ATE1: variants seen among roughly 807,000 people sequenced by gnomAD.
The protein encoded by ATE1 is arginyltransferase 1.
ATE1 carries 36 observed loss-of-function variants against 70.5 expected under a neutral mutation model. The observed-to-expected ratio is 0.51, with a 90% confidence interval of 0.39 to 0.67. ATE1 has a LOEUF of 0.67. ATE1 is among the 30% of genes least tolerant of loss of function. The probability of loss-of-function intolerance (pLI) is 0.00; values close to 1 mark genes in which losing one functional copy is unlikely to be tolerated. For missense variants in ATE1, 593 were observed against 629.5 expected, an observed-to-expected ratio of 0.94 and a Z score of 0.62; for synonymous variants, 232 against 219.3, an observed-to-expected ratio of 1.06 and a Z score of -0.51.
chr10:121,786,285 A>G (rs1946208690), intron 11 of ATE1, among the ~76,000 whole-genome samples: 1 of 139,390 alleles, frequency 7.2e-6, no homozygotes, highest in Non-Finnish European at 1.5e-5. Context: ...TGTTTGCCCA[A>G]CATTAAGAGT....
intron 3 of ATE1, among the ~76,000 whole-genome samples, chr10:121,920,708 C>T (rs1324978092): frequency 6.6e-6 from 1 of 151,944 alleles, no homozygotes; most frequent in African/African-American, 2.4e-5. Context: ...GAAAACTGGA[C>T]TCTGGGCCAG....
At chr10:121,818,256 C>CAAAA (rs66792557) in intron 10 of ATE1, among the ~76,000 whole-genome samples, 1,662 of 62,872 alleles carry the variant, frequency 0.026, 230 homozygotes, top group African/African-American at 0.03. Context: ...GACTCCATCT[C>CAAAA]AAAAAAAAAA....
At chr10:121,834,319 C>G (rs1590428694) in intron 10 of ATE1, among the ~76,000 whole-genome samples, 2 of 152,092 alleles carry the variant, frequency 1.3e-5, no homozygotes, top group East Asian at 3.9e-4. Context: ...AGGGATCTTG[C>G]CTGTATTGTT....
intron 6 of ATE1, 52 bp downstream of exon 6, chr10:121,902,339 C>A: frequency 6.7e-7 from 1 of 1,500,350 alleles, no homozygotes. Flanking sequence ...AACGATATGC[C>A]CAAACAAAAA....
intron 8 of ATE1, 84 bp from the exon 9 acceptor site, chr10:121,841,347 G>C: frequency 1.0e-6 from 1 of 988,118 alleles, no homozygotes; most frequent in East Asian, 3.2e-5. Context: ...TTTTCCTCAG[G>C]TTAATAAGTC....
chr10:121,759,972 T>C (rs1399433921), intron 11 of ATE1, among the ~76,000 whole-genome samples: 1 of 151,706 alleles, frequency 6.6e-6, no homozygotes, highest in Non-Finnish European at 1.5e-5. Flanking sequence ...AGAATTATGG[T>C]AAATTTTGTG....
intron 7 of ATE1, among the ~76,000 whole-genome samples, chr10:121,885,334 C>A (rs1164278640): frequency 1.3e-5 from 2 of 148,202 alleles, no homozygotes. Flanking sequence ...CTTTGGGAGG[C>A]CGAGGCAGAC....
chr10:121,842,479 A>G (rs1948665798), intron 8 of ATE1, among the ~76,000 whole-genome samples: 1 of 152,152 alleles, frequency 6.6e-6, no homozygotes, highest in Non-Finnish European at 1.5e-5. Context: ...AATAAAAAAA[A>G]ATGAGAACAG....
intron 8 of ATE1, among the ~76,000 whole-genome samples, chr10:121,859,557 T>C (rs928999986): frequency 6.6e-6 from 1 of 152,192 alleles, no homozygotes; most frequent in Non-Finnish European, 1.5e-5. Flanking sequence ...GTTATTATTT[T>C]ATTAAGAGAT....
intron 6 of ATE1, among the ~76,000 whole-genome samples, chr10:121,901,127 C>T (rs369762327): frequency 2.0e-5 from 3 of 152,034 alleles, no homozygotes; most frequent in East Asian, 1.9e-4. Flanking sequence ...ATTAGCCGGG[C>T]GTAGTGGTGG....
chr10:121,868,602 T>G (rs1323130785), intron 8 of ATE1, among the ~76,000 whole-genome samples: 1 of 152,200 alleles, frequency 6.6e-6, no homozygotes, highest in Non-Finnish European at 1.5e-5. Context: ...ACAGATCATC[T>G]CATTTAATTT....
chr10:121,906,746 G>A (rs1047098995), intron 5 of ATE1, among the ~76,000 whole-genome samples: 2 of 151,832 alleles, frequency 1.3e-5, no homozygotes, highest in Admixed American at 6.6e-5. Flanking sequence ...TTTCCGACAC[G>A]CACCTCTACC....
At chr10:121,759,015 C>T (rs915554631) in intron 11 of ATE1, among the ~76,000 whole-genome samples, 4 of 152,088 alleles carry the variant, frequency 2.6e-5, no homozygotes, top group Non-Finnish European at 5.9e-5. Flanking sequence ...ATTAAAAACC[C>T]TAAAAGGCCT....
At chr10:121,840,313 G>C (rs1004479304) in intron 9 of ATE1, among the ~76,000 whole-genome samples, 1 of 152,006 alleles carries the variant, frequency 6.6e-6, no homozygotes, top group African/African-American at 2.4e-5. Flanking sequence ...CATTTACACC[G>C]CATTAACTTA....
At chr10:121,844,755 T>G (rs933840978) in intron 8 of ATE1, among the ~76,000 whole-genome samples, 5 of 152,100 alleles carry the variant, frequency 3.3e-5, no homozygotes, top group African/African-American at 9.7e-5. Flanking sequence ...CAGCAATAAA[T>G]AGAATAACTA....
chr10:121,743,236 T>C lies in ATE1; in HGVS notation c.*444A>G, dbSNP rs1407442059. ...TTGAGAAGACATATTTTCTAAGTGATGAAATGAACTTTCTACCTTCCCCAT... is the reference window on the plus strand; with the variant it reads ...TTGAGAAGACATATTTTCTAAGTGACGAAATGAACTTTCTACCTTCCCCAT... On this transcript the variant is annotated 3_prime_UTR_variant, in exon 12 of 12. Coordinates refer to ENST00000224652, the MANE Select transcript of ATE1 (RefSeq NM_001001976.3). 6.5e-6 allele frequency: 1 copy of C among 153,144 alleles called. No individual in the cohort carries two copies. The allele number at this position is 153,144 out of a possible 1,614,324, so 9.5% of individuals were successfully genotyped here.
intron 10 of ATE1, among the ~76,000 whole-genome samples, chr10:121,790,835 A>G (rs926039583): frequency 1.3e-5 from 2 of 152,108 alleles, no homozygotes; most frequent in African/African-American, 4.8e-5. Flanking sequence ...TGATAAACGT[A>G]TAATAAAGAG....
chr10:121,788,354 AC>A (rs528657140), intron 11 of ATE1, among the ~76,000 whole-genome samples: 16 of 152,214 alleles, frequency 1.1e-4, no homozygotes, highest in Non-Finnish European at 2.2e-4. Flanking sequence ...ATTCTAGGAA[AC>A]CTAAACATCT....
chr10:121,885,427 A>G (rs1182954188), intron 7 of ATE1, among the ~76,000 whole-genome samples: 1 of 151,416 alleles, frequency 6.6e-6, no homozygotes, highest in African/African-American at 2.4e-5. Flanking sequence ...AAAATTAGCC[A>G]GGCATGGTGG....
Sources: gnomAD v4.1 joint callset for allele counts (sites outside exome capture counted in the v4.1 genomes callset) on GRCh38, gnomAD v4.1.1 for gene constraint, MANE v1.5 for transcripts, NCBI Gene and HGNC (gene_info 2026-07-23, HGNC 2026-07-21) for gene names.